Variants in PDE10A observed in about 807,000 individuals in gnomAD.
PDE10A encodes the protein cAMP and cAMP-inhibited cGMP 3',5'-cyclic phosphodiesterase 10A.
PDE10A carries 39 observed loss-of-function variants against 97.7 expected under a neutral mutation model. The observed-to-expected ratio is 0.40, with a 90% CI of 0.31 to 0.52. The LOEUF is 0.52. PDE10A is among the 20% of genes least tolerant of loss of function. PDE10A has a pLI of 0.56. For synonymous variants in PDE10A, 371 were observed against 376.8 expected (o/e 0.98, Z 0.18); for missense variants, 731 against 1,047.8 (o/e 0.70, Z 4.17).
intron 1 of PDE10A, among the ~76,000 whole-genome samples, chr6:165,550,118 A>G (rs374597624): frequency 6.6e-6 from 1 of 152,114 alleles, no homozygotes; most frequent in Non-Finnish European, 1.5e-5. Context: ...GTGCTTTTAC[A>G]TGCCCTAAAA....
intron 1 of PDE10A, among the ~76,000 whole-genome samples, chr6:165,759,612 C>T (rs1282721647): frequency 6.6e-6 from 1 of 152,230 alleles, no homozygotes; most frequent in Non-Finnish European, 1.5e-5. Context: ...TAAGGCTTAA[C>T]ACACTGCAGT....
At chr6:165,355,116 TAA>T (rs779158789) in intron 18 of PDE10A, among the ~76,000 whole-genome samples, 9 of 152,202 alleles carry the variant, frequency 5.9e-5, no homozygotes, top group Non-Finnish European at 1.3e-4. Context: ...TGATTTCCTT[TAA>T]AGTGATACTG....
intron 17 of PDE10A, among the ~76,000 whole-genome samples, chr6:165,384,690 G>A: frequency 7.1e-6 from 1 of 141,164 alleles, no homozygotes; most frequent in Non-Finnish European, 1.5e-5. Flanking sequence ...GCGACTAAAG[G>A]TTAGCTTTTC....
intron 1 of PDE10A, among the ~76,000 whole-genome samples, chr6:165,691,082 T>TCTCC: frequency 2.2e-5 from 1 of 45,314 alleles, no homozygotes; most frequent in African/African-American, 7.1e-5. Flanking sequence ...TCTTTCTCTC[T>TCTCC]CTCTCTCTCT....
intron 1 of PDE10A, among the ~76,000 whole-genome samples, chr6:165,568,062 A>G (rs894744088): frequency 1.1e-4 from 15 of 140,610 alleles, no homozygotes; most frequent in South Asian, 2.4e-4. Context: ...GCAGTGGCAC[A>G]ATCTTGGCTC....
At chr6:165,349,118 G>A (rs1782517115) in intron 18 of PDE10A, among the ~76,000 whole-genome samples, 1 of 152,226 alleles carries the variant, frequency 6.6e-6, no homozygotes, top group Non-Finnish European at 1.5e-5. Flanking sequence ...TTGGAACTGA[G>A]TAACAGGCAG....
intron 1 of PDE10A, chr6:165,947,240 G>C (rs117121285): frequency 6.6e-6 from 1 of 152,048 alleles, no homozygotes; most frequent in Admixed American, 6.6e-5. Context: ...AGATCTAAAC[G>C]TTTATAAATT....
intron 20 of PDE10A, among the ~76,000 whole-genome samples, chr6:165,338,755 A>G (rs1781797116): frequency 6.6e-6 from 1 of 152,228 alleles, no homozygotes; most frequent in Non-Finnish European, 1.5e-5. Context: ...AAGCCTATTT[A>G]CTGCAACGGC....
intron 18 of PDE10A, among the ~76,000 whole-genome samples, chr6:165,366,653 G>C (rs1384622434): frequency 6.6e-6 from 1 of 152,172 alleles, no homozygotes; most frequent in Non-Finnish European, 1.5e-5. Context: ...GGCCCATTGA[G>C]AAGGGAGAGT....
At chr6:165,584,124 C>A (rs1430713489) in intron 1 of PDE10A, among the ~76,000 whole-genome samples, 1 of 152,204 alleles carries the variant, frequency 6.6e-6, no homozygotes, top group Non-Finnish European at 1.5e-5. Context: ...TCTGTGTGAT[C>A]TTTCAGGTCC....
intron 2 of PDE10A, among the ~76,000 whole-genome samples, chr6:165,487,234 C>T (rs1223239412): frequency 6.6e-6 from 1 of 152,142 alleles, no homozygotes; most frequent in Non-Finnish European, 1.5e-5. Flanking sequence ...CACTGAAAAG[C>T]CTGCTTCCGT....
intron 1 of PDE10A, among the ~76,000 whole-genome samples, chr6:165,919,070 T>C (rs950491503): frequency 6.6e-6 from 1 of 151,894 alleles, no homozygotes; most frequent in African/African-American, 2.4e-5. Flanking sequence ...ATAAAGGAGG[T>C]CCTGAATCTT....
intron 1 of PDE10A, among the ~76,000 whole-genome samples, chr6:165,714,308 T>C (rs569092565): frequency 4.6e-5 from 7 of 152,312 alleles, no homozygotes; most frequent in African/African-American, 1.7e-4. Context: ...ACTCCTGCCC[T>C]CTGTGGGGAA....
At chr6:165,368,100 A>G (rs1379965243) in intron 18 of PDE10A, among the ~76,000 whole-genome samples, 1 of 152,042 alleles carries the variant, frequency 6.6e-6, no homozygotes, top group Non-Finnish European at 1.5e-5. Flanking sequence ...GGTTCAAGCG[A>G]TTTTCCTGCC....
chr6:165,716,414 C>T (rs1399352240), intron 1 of PDE10A, among the ~76,000 whole-genome samples: 1 of 152,256 alleles, frequency 6.6e-6, no homozygotes, highest in African/African-American at 2.4e-5. Context: ...CTGAAACTGA[C>T]TGCACACCTT....
At chr6:165,827,350 G>C (rs1318681812) in intron 1 of PDE10A, among the ~76,000 whole-genome samples, 1 of 152,226 alleles carries the variant, frequency 6.6e-6, no homozygotes, top group Non-Finnish European at 1.5e-5. Context: ...CCTGTGCGGG[G>C]ACAGGAGGTG....
At chr6:165,384,694 G>T (rs1247967501) in intron 17 of PDE10A, among the ~76,000 whole-genome samples, 2 of 144,802 alleles carry the variant, frequency 1.4e-5, no homozygotes, top group Admixed American at 7.0e-5. Context: ...CTAAAGGTTA[G>T]CTTTTCAAGT....
At chr6:165,883,502 T>C (rs1009902) in intron 1 of PDE10A, among the ~76,000 whole-genome samples, 1 of 149,208 alleles carries the variant, frequency 6.7e-6, no homozygotes, top group Non-Finnish European at 1.5e-5. Context: ...ACCACGCCAC[T>C]GCACTCCAGC....
chr6:165,872,750 C>T (rs1478219536), intron 1 of PDE10A, among the ~76,000 whole-genome samples: 1 of 152,090 alleles, frequency 6.6e-6, no homozygotes, highest in African/African-American at 2.4e-5. Flanking sequence ...ACTGAAACCC[C>T]GCAAATACTC....
Sources: allele counts gnomAD v4.1 joint callset (sites outside exome capture counted in the v4.1 genomes callset), GRCh38; gene constraint gnomAD v4.1.1; transcripts MANE v1.5; gene names NCBI Gene and HGNC (gene_info 2026-07-23, HGNC 2026-07-21).